CTNNA3: variants seen among roughly 807,000 people sequenced by gnomAD.
CTNNA3 encodes the protein catenin alpha 3.
CTNNA3 carries 76 observed loss-of-function variants against 95.7 expected under a neutral mutation model. That is an observed-to-expected ratio of 0.79 (90% CI 0.66 to 0.96). The LOEUF (loss-of-function observed/expected upper bound fraction) is 0.96, where lower values mean the gene tolerates loss of function less well. Ranked by LOEUF, CTNNA3 falls within the 40% of genes least tolerant of loss-of-function variation. The probability of loss-of-function intolerance (pLI) is 0.00; values close to 1 mark genes in which losing one functional copy is unlikely to be tolerated. For missense variants in CTNNA3, 1,191 were observed against 1,089.8 expected (o/e 1.09, Z -1.31); for synonymous variants, 431 against 374.4 (o/e 1.15, Z -1.74).
intron 7 of CTNNA3, among the ~76,000 whole-genome samples, chr10:66,897,824 T>G (rs1028814787): frequency 6.6e-6 from 1 of 152,132 alleles, no homozygotes; most frequent in Non-Finnish European, 1.5e-5. Context: ...ATGCAAAATA[T>G]TTCTCTTTCA....
intron 13 of CTNNA3, among the ~76,000 whole-genome samples, chr10:66,188,736 A>T (rs1479395576): frequency 6.6e-6 from 1 of 151,960 alleles, no homozygotes; most frequent in Non-Finnish European, 1.5e-5. Flanking sequence ...AGGTATCATT[A>T]TGAAGTAATG....
intron 5 of CTNNA3, among the ~76,000 whole-genome samples, chr10:67,283,952 A>G (rs541505883): frequency 4.6e-5 from 7 of 152,310 alleles, no homozygotes; most frequent in African/African-American, 1.7e-4. Context: ...TCTGAAGGCC[A>G]CTGTGTATAC....
chr10:66,185,062 T>A (rs1343130192), intron 13 of CTNNA3, among the ~76,000 whole-genome samples: 1 of 152,228 alleles, frequency 6.6e-6, no homozygotes, highest in Non-Finnish European at 1.5e-5. Context: ...TGCATAGCAC[T>A]CACCACTAGC....
intron 3 of CTNNA3, among the ~76,000 whole-genome samples, chr10:67,572,691 C>T (rs1050984540): frequency 6.6e-6 from 1 of 152,142 alleles, no homozygotes. Context: ...CATATCTGTT[C>T]TGATGCTTGT....
intron 7 of CTNNA3, among the ~76,000 whole-genome samples, chr10:66,868,986 T>TC (rs1844294885): frequency 6.6e-6 from 1 of 152,006 alleles, no homozygotes; most frequent in African/African-American, 2.4e-5. Context: ...AAATGTAAAT[T>TC]CACAGGTTGC....
chr10:66,164,457 A>T (rs2085018194), intron 13 of CTNNA3, among the ~76,000 whole-genome samples: 2 of 151,988 alleles, frequency 1.3e-5, no homozygotes, highest in South Asian at 4.1e-4. Flanking sequence ...TTGATTCAGG[A>T]ATAGGAAGGT....
At chr10:67,628,717 G>A (rs1839039759) in intron 2 of CTNNA3, among the ~76,000 whole-genome samples, 2 of 152,054 alleles carry the variant, frequency 1.3e-5, no homozygotes, top group Admixed American at 1.3e-4. Context: ...GATATATCTT[G>A]GTATATGTTG....
At chr10:67,203,851 T>A (rs993960687) in intron 6 of CTNNA3, among the ~76,000 whole-genome samples, 2 of 152,178 alleles carry the variant, frequency 1.3e-5, no homozygotes, top group Non-Finnish European at 2.9e-5. Context: ...CAGATTATCT[T>A]CTCACCTGTT....
chr10:66,318,587 A>G (rs1400512291), intron 12 of CTNNA3, among the ~76,000 whole-genome samples: 1 of 151,902 alleles, frequency 6.6e-6, no homozygotes, highest in Non-Finnish European at 1.5e-5. Context: ...GCCAAAATCC[A>G]TGCCCTCTAA....
Position 66,033,633 on chromosome 10 carries a change from A to G in CTNNA3, c.2159+35675T>C, listed in dbSNP as rs77946297. 4.5e-3 allele frequency among the ~76,000 whole-genome samples: 677 copies of G among 151,866 alleles called. 12 individuals are homozygous for G. Among genetic ancestry groups the G allele is most frequent in the African/African-American group, 0.015 (636 of 41,416 alleles). ...AAGCCCCCCGAGATCAGGGACTGGA[A>G]AGACTCAATCAGTGATGCTCTTTAG... On this transcript the variant is annotated intron_variant, in intron 15 of 17. Transcript: ENST00000433211.
chr10:66,375,227 C>G (rs1376490153), intron 12 of CTNNA3, among the ~76,000 whole-genome samples: 1 of 137,378 alleles, frequency 7.3e-6, no homozygotes, highest in Admixed American at 7.4e-5. Context: ...TGGCCCACAT[C>G]AGAAAAAAAA....
intron 1 of CTNNA3, among the ~76,000 whole-genome samples, chr10:67,705,084 T>C (rs1339019163): frequency 6.6e-6 from 1 of 152,072 alleles, no homozygotes; most frequent in Non-Finnish European, 1.5e-5. Flanking sequence ...TGAGATACCA[T>C]CTCACACCAG....
intron 6 of CTNNA3, among the ~76,000 whole-genome samples, chr10:67,208,101 G>A (rs1166215705): frequency 1.3e-5 from 2 of 152,092 alleles, no homozygotes; most frequent in African/African-American, 2.4e-5. Flanking sequence ...GGCCAGGCGC[G>A]GTGGCTCATG....
intron 16 of CTNNA3, among the ~76,000 whole-genome samples, chr10:65,970,314 T>C (rs1429041607): frequency 6.6e-6 from 1 of 152,100 alleles, no homozygotes; most frequent in Admixed American, 6.6e-5. Context: ...TGATACCTGC[T>C]ACCACAAAAA....
intron 5 of CTNNA3, among the ~76,000 whole-genome samples, chr10:67,394,320 C>T (rs1403008115): frequency 1.3e-5 from 2 of 151,282 alleles, no homozygotes; most frequent in African/African-American, 2.4e-5. Context: ...AAAAGAAGCC[C>T]GTTAGTTAAA....
intron 7 of CTNNA3, among the ~76,000 whole-genome samples, chr10:66,915,192 G>GAA (rs1158486629): frequency 1.1e-5 from 1 of 90,238 alleles, no homozygotes; most frequent in Non-Finnish European, 2.5e-5. Context: ...AAAAACTAAC[G>GAA]AAAAAAAAAA....
intron 7 of CTNNA3, among the ~76,000 whole-genome samples, chr10:66,905,305 G>T (rs1053832463): frequency 2.0e-5 from 3 of 152,106 alleles, no homozygotes; most frequent in Admixed American, 2.0e-4. Context: ...TCACTCATAG[G>T]TGGGAATTGA....
chr10:66,860,481 A>G (rs1843870716), intron 7 of CTNNA3, among the ~76,000 whole-genome samples: 1 of 152,132 alleles, frequency 6.6e-6, no homozygotes, highest in Non-Finnish European at 1.5e-5. Flanking sequence ...TAACAAACAG[A>G]TGGCAAATTC....
intron 11 of CTNNA3, among the ~76,000 whole-genome samples, chr10:66,429,106 T>C (rs1249835838): frequency 2.0e-5 from 3 of 152,012 alleles, no homozygotes; most frequent in Non-Finnish European, 4.4e-5. Context: ...CAAACTACCG[T>C]CAGAGAATAC....
Sources: gnomAD v4.1 joint callset for allele counts (sites outside exome capture counted in the v4.1 genomes callset) on GRCh38, gnomAD v4.1.1 for gene constraint, MANE v1.5 for transcripts, NCBI Gene and HGNC (gene_info 2026-07-23, HGNC 2026-07-21) for gene names.